Variants in GABRA5 observed in about 807,000 individuals in gnomAD.
GABRA5 encodes gamma-aminobutyric acid type A receptor subunit alpha5.
GABRA5 carries 18 observed loss-of-function variants against 47.3 expected under a neutral mutation model. The observed-to-expected ratio is 0.38, with a 90% CI of 0.26 to 0.56. The LOEUF is 0.56. GABRA5 is among the 20% of genes least tolerant of loss of function. The pLI, the probability that GABRA5 is intolerant of heterozygous loss-of-function variation, is 0.71. For missense variants in GABRA5, 365 were observed against 599.3 expected (o/e 0.61, Z 4.08); for synonymous variants, 237 against 229.3 (o/e 1.03, Z -0.30).
At chr15:26,921,166 T>C (rs986386253) in intron 7 of GABRA5, among the ~76,000 whole-genome samples, 1 of 152,162 alleles carries the variant, frequency 6.6e-6, no homozygotes, top group African/African-American at 2.4e-5. Flanking sequence ...TCCCACCTTT[T>C]TTATTTTCTA....
In GABRA5 at chr15:26,910,270, G is replaced by A. The variant is rs192909149; in HGVS notation, c.498-4533G>A. 3.3e-5 allele frequency among the ~76,000 whole-genome samples: 5 copies of A among 152,094 alleles called. No homozygotes were observed. In the East Asian group the frequency reaches 9.7e-4, roughly 29 times the overall value. On this transcript the variant is annotated intron_variant, in intron 6 of 10. Coordinates refer to ENST00000335625, the MANE Select transcript of GABRA5 (RefSeq NM_000810.4). ...TTTAGGACCCTAAGCCCTCAATTAC[G>A]ATGACATAAATCCAAATTGAAGCAA...
chr15:26,940,096 G>A lies in GABRA5; in HGVS notation c.877+19G>A. ...GTTTTTGGTGAGTGTCCCCAAGCCA[G>A]GCCTGGACACTGGTGTTTTGTGACT... is the stretch of plus-strand genomic sequence containing the variant. On this transcript the variant is annotated intron_variant, in intron 9 of 10. Coordinates refer to ENST00000335625, the MANE Select transcript of GABRA5 (RefSeq NM_000810.4). The A allele has an allele frequency of 6.3e-7, 1 of 1,599,324 alleles. No individual in the cohort carries two copies. Among genetic ancestry groups the A allele is most frequent in the African/African-American group, 1.3e-5 (1 of 74,792 alleles).
chr15:26,871,333 T>C (rs1892466768), intron 3 of GABRA5, among the ~76,000 whole-genome samples: 1 of 152,220 alleles, frequency 6.6e-6, no homozygotes, highest in Non-Finnish European at 1.5e-5. Flanking sequence ...TGTGTGTAAG[T>C]AGTTTAGCCC....
chr15:26,926,185 A>G (rs1188526426), intron 7 of GABRA5, among the ~76,000 whole-genome samples: 1 of 151,488 alleles, frequency 6.6e-6, no homozygotes, highest in African/African-American at 2.4e-5. Context: ...CTAAATGGCA[A>G]CTCCTGTCCA....
chr15:26,945,090 G>A (rs1417707220), intron 10 of GABRA5, among the ~76,000 whole-genome samples: 1 of 152,240 alleles, frequency 6.6e-6, no homozygotes, highest in Non-Finnish European at 1.5e-5. Context: ...AATCCGAGGA[G>A]AGAAAGGGTC....
At chr15:26,944,269 T>G (rs1473644189) in intron 10 of GABRA5, among the ~76,000 whole-genome samples, 2 of 152,226 alleles carry the variant, frequency 1.3e-5, no homozygotes, top group Non-Finnish European at 2.9e-5. Context: ...CTGGTTCCAC[T>G]GGGAGACCTG....
intron 4 of GABRA5, 139 bp downstream of exon 4, chr15:26,881,106 T>C (rs1027633150): frequency 2.3e-6 from 2 of 868,854 alleles, no homozygotes; most frequent in African/African-American, 3.4e-5. Context: ...GCTGTTCCAC[T>C]CTTGCCAAGA....
intron 3 of GABRA5, among the ~76,000 whole-genome samples, chr15:26,871,567 A>G (rs576480922): frequency 1.3e-5 from 2 of 152,346 alleles, no homozygotes; most frequent in South Asian, 4.1e-4. Flanking sequence ...TGTGCGATAC[A>G]GAAGTCGATA....
At chr15:26,878,996 C>A (rs1892662390) in intron 3 of GABRA5, among the ~76,000 whole-genome samples, 1 of 152,208 alleles carries the variant, frequency 6.6e-6, no homozygotes, top group Admixed American at 6.5e-5. Flanking sequence ...GCACAGCCTC[C>A]AAATGGTCAA....
intron 7 of GABRA5, among the ~76,000 whole-genome samples, chr15:26,935,659 C>T (rs1296363518): frequency 1.3e-5 from 2 of 152,220 alleles, no homozygotes; most frequent in Admixed American, 1.3e-4. Context: ...CTCCACACTT[C>T]ACGAATCCCA....
In GABRA5 at chr15:26,906,462, C is replaced by A. The variant is rs144601278; in HGVS notation, c.498-8341C>A. On this transcript the variant is annotated intron_variant, in intron 6 of 10. Coordinates refer to ENST00000335625, the MANE Select transcript of GABRA5 (RefSeq NM_000810.4). ...TCAGCCAGACATGAAAACTTTGGGT[C>A]TTTTTAGGTATTTTTTTAGTATGTG... is the stretch of plus-strand genomic sequence containing the variant. Among the ~76,000 whole-genome samples, 710 of 152,154 alleles carry A rather than the reference C, an allele frequency of 4.7e-3. 4 individuals are homozygous for A. The highest frequency in any genetic ancestry group is 6.8e-3 in the Non-Finnish European group (462 of 67,998).
chr15:26,879,396 T>C (rs1892673046), intron 3 of GABRA5, among the ~76,000 whole-genome samples: 1 of 152,202 alleles, frequency 6.6e-6, no homozygotes, highest in African/African-American at 2.4e-5. Context: ...GTGCTATGTC[T>C]TTCCGAAGTG....
intron 4 of GABRA5, among the ~76,000 whole-genome samples, chr15:26,881,779 A>C (rs2140253698): frequency 6.6e-6 from 1 of 152,290 alleles, no homozygotes; most frequent in African/African-American, 2.4e-5. Flanking sequence ...GGCTCACTGC[A>C]ACCTCTGCCT....
At chr15:26,920,322 C>T (rs1322171180) in intron 7 of GABRA5, among the ~76,000 whole-genome samples, 2 of 151,736 alleles carry the variant, frequency 1.3e-5, no homozygotes, top group Non-Finnish European at 2.9e-5. Context: ...GCTCCTCTGA[C>T]TGAATAATTT....
At chr15:26,878,952 G>A (rs972672349) in intron 3 of GABRA5, among the ~76,000 whole-genome samples, 6 of 152,140 alleles carry the variant, frequency 3.9e-5, no homozygotes, top group African/African-American at 7.2e-5. Context: ...AGAGAGCCAC[G>A]GAAAACAACG....
intron 7 of GABRA5, among the ~76,000 whole-genome samples, chr15:26,926,051 G>T (rs1305983915): frequency 6.6e-6 from 1 of 152,194 alleles, no homozygotes; most frequent in East Asian, 1.9e-4. Flanking sequence ...TCCAGCTGCT[G>T]CTTTAATAGT....
chr15:26,921,398 G>A (rs955601098), intron 7 of GABRA5, among the ~76,000 whole-genome samples: 1 of 152,138 alleles, frequency 6.6e-6, no homozygotes, highest in Admixed American at 6.6e-5. Context: ...TTAAATTTGT[G>A]TAGAGTTGTT....
chr15:26,879,102 A>G (rs1267885409), intron 3 of GABRA5, among the ~76,000 whole-genome samples: 1 of 152,244 alleles, frequency 6.6e-6, no homozygotes, highest in African/African-American at 2.4e-5. Flanking sequence ...GTAGCTTAGA[A>G]AACTTTAATT....
intron 7 of GABRA5, among the ~76,000 whole-genome samples, chr15:26,916,703 C>T (rs533763451): frequency 1.3e-5 from 2 of 152,110 alleles, no homozygotes; most frequent in African/African-American, 4.8e-5. Flanking sequence ...CATCCATGAA[C>T]GAGTGGCATC....
Sources: gnomAD v4.1 joint callset for allele counts (sites outside exome capture counted in the v4.1 genomes callset) on GRCh38, gnomAD v4.1.1 for gene constraint, MANE v1.5 for transcripts, NCBI Gene and HGNC (gene_info 2026-07-23, HGNC 2026-07-21) for gene names.